Variants in FOXP1 observed in about 807,000 individuals in gnomAD.
FOXP1 encodes the protein forkhead box protein P1.
A neutral mutation model predicts 98.2 loss-of-function variants in FOXP1; 15 were observed. The ratio of observed to expected loss-of-function variants is 0.15; its 90% CI spans 0.10 to 0.24. FOXP1 has a LOEUF of 0.24. FOXP1 is among the 10% of genes least tolerant of loss of function. The pLI is 1.00. For missense variants in FOXP1, 633 were observed against 848.5 expected, an observed-to-expected ratio of 0.75 and a Z score of 3.15; for synonymous variants, 371 against 314.5, an observed-to-expected ratio of 1.18 and a Z score of -1.90.
chr3:71,581,003 C>A (rs2048118849), intron 2 of FOXP1: 1 of 984,108 alleles, frequency 1.0e-6, no homozygotes, highest in Admixed American at 6.2e-5. Flanking sequence ...TCAAATGCAA[C>A]CAAATGAAAT....
chr3:71,179,163 C>CA (rs201396604), intron 6 of FOXP1, among the ~76,000 whole-genome samples: 1,709 of 123,348 alleles, frequency 0.014, 38 homozygotes, highest in African/African-American at 0.052. Context: ...GAGACGGAGT[C>CA]ACTTTCTGTC....
At chr3:71,224,193 G>C (rs2065645587) in intron 5 of FOXP1, among the ~76,000 whole-genome samples, 1 of 152,206 alleles carries the variant, frequency 6.6e-6, no homozygotes, top group Admixed American at 6.5e-5. Flanking sequence ...TAGTGAATGA[G>C]AGGACTCTAA....
chr3:71,027,732 A>G (rs527818158), intron 11 of FOXP1, among the ~76,000 whole-genome samples: 3 of 152,352 alleles, frequency 2.0e-5, no homozygotes, highest in East Asian at 3.9e-4. Context: ...AGAACTTGAA[A>G]ATGTATATAT....
chr3:71,350,211 C>T (rs2077688370), intron 4 of FOXP1, among the ~76,000 whole-genome samples: 1 of 152,060 alleles, frequency 6.6e-6, no homozygotes, highest in South Asian at 2.1e-4. Context: ...ACTTTATAAG[C>T]CAATTTTCCT....
intron 12 of FOXP1, among the ~76,000 whole-genome samples, chr3:71,010,592 C>T (rs536855085): frequency 1.6e-4 from 25 of 152,222 alleles, no homozygotes; most frequent in Admixed American, 1.2e-3. Flanking sequence ...ACACTTAAAT[C>T]AAGGTCAAAG....
intron 6 of FOXP1, among the ~76,000 whole-genome samples, chr3:71,125,664 G>A (rs2059116454): frequency 6.6e-6 from 1 of 152,182 alleles, no homozygotes; most frequent in Non-Finnish European, 1.5e-5. Context: ...TGAACTTCCA[G>A]TAACCATGGT....
intron 5 of FOXP1, among the ~76,000 whole-genome samples, chr3:71,213,347 A>G (rs1411367970): frequency 6.6e-6 from 1 of 152,248 alleles, no homozygotes; most frequent in Non-Finnish European, 1.5e-5. Flanking sequence ...AATTTTAACA[A>G]TATAATGATG....
chr3:70,986,070 A>C (rs1018195471), intron 14 of FOXP1, among the ~76,000 whole-genome samples: 1 of 152,358 alleles, frequency 6.6e-6, no homozygotes, highest in Middle Eastern at 3.4e-3. Context: ...AAATAAATTT[A>C]GTAGGAGGTC....
At chr3:70,970,518 TAATTTTTTTGCCACAATA>T in intron 19 of FOXP1, 200 bp downstream of exon 19, 1 of 559,522 alleles carries the variant, frequency 1.8e-6, no homozygotes, top group East Asian at 3.0e-5. Flanking sequence ...AGTGAACTTT[TAATTTTTTTGCCACAATA>T]TTCAAAATGC....
chr3:71,091,129 G>GTGTGTTTGTGTGTGTGTA (rs3064142), intron 7 of FOXP1, among the ~76,000 whole-genome samples: 2 of 122,394 alleles, frequency 1.6e-5, no homozygotes, highest in South Asian at 6.8e-4. Context: ...GTGTGTGTGT[G>GTGTGTTTGTGTGTGTGTA]TGTATTCTTA....
intron 4 of FOXP1, chr3:71,333,397 TAA>T (rs55920271): frequency 5.9e-5 from 9 of 151,544 alleles, no homozygotes; most frequent in Middle Eastern, 3.4e-3. Context: ...TACAAAGTGA[TAA>T]AAAAAAAGGA....
chr3:71,303,039 T>C (rs1407674926), intron 4 of FOXP1, among the ~76,000 whole-genome samples: 2 of 152,198 alleles, frequency 1.3e-5, no homozygotes, highest in Non-Finnish European at 2.9e-5. Context: ...TGTCCACTAG[T>C]ATGTCCTACT....
chr3:71,469,732 G>A (rs1046036468), intron 3 of FOXP1, among the ~76,000 whole-genome samples: 1 of 152,148 alleles, frequency 6.6e-6, no homozygotes, highest in Admixed American at 6.5e-5. Context: ...AAGCCAGGGA[G>A]CTAAAAACCG....
intron 5 of FOXP1, among the ~76,000 whole-genome samples, chr3:71,287,426 C>A (rs1653977): frequency 1.0e-3 from 158 of 152,214 alleles, no homozygotes; most frequent in Non-Finnish European, 1.7e-3. Context: ...TCAGCCGAGA[C>A]TGCACCACTG....
At chr3:71,026,031 T>G (rs1195619569) in intron 11 of FOXP1, among the ~76,000 whole-genome samples, 1 of 152,192 alleles carries the variant, frequency 6.6e-6, no homozygotes, top group Non-Finnish European at 1.5e-5. Flanking sequence ...TCAAGGTCCC[T>G]TCCCTCTGAA....
At chr3:71,439,626 C>G (rs2085717894) in intron 3 of FOXP1, among the ~76,000 whole-genome samples, 1 of 152,118 alleles carries the variant, frequency 6.6e-6, no homozygotes, top group Non-Finnish European at 1.5e-5. Context: ...TACACACATT[C>G]AACAGAATAT....
At chr3:71,183,650 G>C (rs1296601289) in intron 6 of FOXP1, among the ~76,000 whole-genome samples, 1 of 152,154 alleles carries the variant, frequency 6.6e-6, no homozygotes, top group African/African-American at 2.4e-5. Flanking sequence ...GAGGCACAGA[G>C]AAACTTACAC....
At position 71,001,067 on chromosome 3, in the gene FOXP1, A is replaced by G. The variant is rs1473596927; in HGVS notation, c.975-8T>C. 1.3e-6 allele frequency: 2 copies of G among 1,599,156 alleles called. No individual in the cohort carries two copies. Among genetic ancestry groups the G allele is most frequent in the Non-Finnish European group, 1.7e-6 (2 of 1,166,608 alleles). The stretch of plus-strand genomic sequence containing the variant: ...TGCTCACTGTTGAGATGTCTGCAAC[A>G]ATACATAGAAAATCATTAAGTGAAA... On this transcript the variant is annotated splice_region_variant and splice_polypyrimidine_tract_variant and intron_variant, in intron 12 of 20. Coordinates refer to ENST00000649528, the MANE Select transcript of FOXP1 (RefSeq NM_001349338.3).
intron 2 of FOXP1, among the ~76,000 whole-genome samples, chr3:71,530,916 C>G (rs1446902225): frequency 1.3e-5 from 2 of 152,226 alleles, no homozygotes; most frequent in Non-Finnish European, 2.9e-5. Context: ...AAAGACTGAG[C>G]TAATTTGTAC....
Sources: allele counts gnomAD v4.1 joint callset (sites outside exome capture counted in the v4.1 genomes callset), GRCh38; gene constraint gnomAD v4.1.1; transcripts MANE v1.5; gene names NCBI Gene and HGNC (gene_info 2026-07-23, HGNC 2026-07-21).